ZER1: variants seen among roughly 807,000 people sequenced by gnomAD.
The protein encoded by ZER1 is zyg-11 related cell cycle regulator.
Under a neutral mutation model 78.8 loss-of-function variants are expected in ZER1, and 11 were observed. The observed-to-expected ratio is 0.14, with a 90% confidence interval of 0.09 to 0.23. The LOEUF (loss-of-function observed/expected upper bound fraction) is 0.23. ZER1 is among the 10% of genes least tolerant of loss of function. The pLI is 1.00. For synonymous variants in ZER1, 400 were observed against 407.0 expected, an observed-to-expected ratio of 0.98 and a Z score of 0.21; for missense variants, 588 against 996.9, an observed-to-expected ratio of 0.59 and a Z score of 5.52.
At chr9:128,747,596 AT>A (rs1191693546) in intron 8 of ZER1, among the ~76,000 whole-genome samples, 4 of 152,036 alleles carry the variant, frequency 2.6e-5, no homozygotes, top group Non-Finnish European at 5.9e-5. Context: ...TCTTTTAAGC[AT>A]TTAGGTATCT....
rs111585212 is a variant in ZER1 at position 128,736,245 on chromosome 9, C to T, written c.2043-814G>A. Among the ~76,000 whole-genome samples, 1,133 of 151,756 alleles carry T rather than the reference C, an allele frequency of 7.5e-3. 19 individuals carry two copies. The highest frequency in any genetic ancestry group is 0.026 in the African/African-American group (1,061 of 41,386). On this transcript the variant is annotated intron_variant, in intron 13 of 15. Transcript: ENST00000291900. Reference sequence around the variant, plus strand: ...GATTATAGGCGTGAGCCACCGCGCCCGGCCTAAATTTTGTATTTTTGGTAG... The same window carrying T: ...GATTATAGGCGTGAGCCACCGCGCCTGGCCTAAATTTTGTATTTTTGGTAG...
In ZER1 at chr9:128,740,052, T is replaced by A; in HGVS notation, c.1921A>T (p.Ile641Phe). 1 of 1,614,012 alleles carries A rather than the reference T, an allele frequency of 6.2e-7. No homozygotes were observed. Among genetic ancestry groups the A allele is most frequent in the Non-Finnish European group, 8.5e-7 (1 of 1,179,936 alleles). Reference protein sequence around the residue: ...SYNACGVLSHIMFDGPEAWGV... With the variant: ...SYNACGVLSHFMFDGPEAWGV... The stretch of plus-strand genomic sequence containing the variant: ...CAGGCCTCGGGTCCATCAAACATGA[T>A]GTGGGAGAGGACGCCGCAGGCATTG... Residue 641 changes from isoleucine (I) to phenylalanine (F), a missense_variant, in exon 13 of 16, where the codon ATC becomes TTC. Physicochemically the swap from Ile to Phe is conservative, Grantham distance 21. This residue lies in a region of ZER1 where 122 missense variants were observed against 173.5 expected (regional missense o/e 0.70). Transcript: ENST00000291900. This position sits in a 1 kb window ranked among gnomAD's most constrained non-coding sequence, Gnocchi z 4.4.
chr9:128,735,761 G>GTTTTT lies in ZER1; in HGVS notation c.2043-335_2043-331dup, dbSNP rs1564391224. On this transcript the variant is annotated intron_variant, in intron 13 of 15. Transcript: ENST00000291900. The stretch of plus-strand genomic sequence containing the variant: ...TGGGAACAGAAGCACGTGTGACCTG[G>GTTTTT]TTTTTTTTTTTTTTTTTTTTTTTTT... Among the ~76,000 whole-genome samples the GTTTTT allele has an allele frequency of 1.1e-4, 3 of 26,828 alleles. 1 individual carries two copies. The highest frequency in any genetic ancestry group is 1.0e-3 in the Admixed American group (2 of 1,988). 17.6% of individuals were successfully genotyped at this position (26,828 alleles called of 152,430 possible). A position where few individuals can be genotyped will look rare whatever the true frequency, so the allele number is the denominator to read the frequency against.
chr9:128,730,621 G>A lies in ZER1; in HGVS notation c.*716C>T, dbSNP rs76739796. 1,128 of 152,906 alleles carry A rather than the reference G, an allele frequency of 7.4e-3. 19 individuals carry two copies. The highest frequency in any genetic ancestry group is 0.025 in the African/African-American group (1,058 of 41,570). 9.5% of individuals were successfully genotyped at this position (152,906 alleles called of 1,614,324 possible). ...GGCTTTCCACAGCCTGGGACCTGGT[G>A]GGAGACTAGGAGGCAGCCTCCATAG... is the stretch of plus-strand genomic sequence containing the variant. On this transcript the variant is annotated 3_prime_UTR_variant, in exon 16 of 16. Transcript: ENST00000291900.
At chr9:128,748,591 T>C (rs1326688641) in intron 8 of ZER1, among the ~76,000 whole-genome samples, 6 of 151,624 alleles carry the variant, frequency 4.0e-5, no homozygotes, top group African/African-American at 1.5e-4. Context: ...TTTTTCTTTG[T>C]GACAGAGTCT....
intron 13 of ZER1, among the ~76,000 whole-genome samples, chr9:128,739,431 G>A (rs1863212229): frequency 6.6e-6 from 1 of 151,658 alleles, no homozygotes; most frequent in Non-Finnish European, 1.5e-5. Context: ...GAACCCAGGA[G>A]GCAGAGCTTG....
intron 9 of ZER1, among the ~76,000 whole-genome samples, chr9:128,742,121 A>G (rs117556271): frequency 0.015 from 2,290 of 152,356 alleles, 23 homozygotes; most frequent in Middle Eastern, 0.054. Flanking sequence ...CGCTGCCATC[A>G]AATGAGACCA....
chr9:128,731,424 G>C (rs1313302251), intron 15 of ZER1, 30 bp from the exon 16 acceptor site: 2 of 1,412,896 alleles, frequency 1.4e-6, no homozygotes, highest in Non-Finnish European at 2.0e-6. Context: ...CAGGATTGGA[G>C]GGTGGGCTTG....
At chr9:128,766,541 T>C (rs1012455091) in intron 1 of ZER1, among the ~76,000 whole-genome samples, 6 of 151,954 alleles carry the variant, frequency 3.9e-5, no homozygotes, top group Middle Eastern at 3.4e-3. Context: ...AGGTAGTTCA[T>C]TAGTTCAAGA....
chr9:128,768,726 A>G (rs958280240), intron 1 of ZER1, among the ~76,000 whole-genome samples: 1 of 152,128 alleles, frequency 6.6e-6, no homozygotes, highest in Non-Finnish European at 1.5e-5. Flanking sequence ...AGGGAGATCA[A>G]CTGTGGTTCT....
Position 128,755,272 on chromosome 9 carries a change from C to T in ZER1, c.158+136G>A. ...ACCACTATTCTCTTGCAGCCATGAACATCCATGTGCACACACACACACCCT... is the reference window on the plus strand; with the variant it reads ...ACCACTATTCTCTTGCAGCCATGAATATCCATGTGCACACACACACACCCT... On this transcript the variant is annotated intron_variant, in intron 2 of 15. Coordinates refer to ENST00000291900, the MANE Select transcript of ZER1 (RefSeq NM_006336.4). The surrounding 1 kb of genome is among the most constrained non-coding windows in gnomAD (Gnocchi z 5.6). The T allele has an allele frequency of 7.9e-7, 1 of 1,260,406 alleles. No individual in the cohort carries two copies. 78.1% of individuals were successfully genotyped at this position (1,260,406 alleles called of 1,614,324 possible).
intron 9 of ZER1, 23 bp from the exon 10 acceptor site, chr9:128,741,864 G>T: frequency 6.2e-7 from 1 of 1,614,186 alleles, no homozygotes; most frequent in Non-Finnish European, 8.5e-7. Context: ...ACAAGAGTCT[G>T]CTAGAGTGCT....
chr9:128,744,286 G>A (rs1442424717), intron 8 of ZER1, among the ~76,000 whole-genome samples: 2 of 151,970 alleles, frequency 1.3e-5, no homozygotes, highest in Non-Finnish European at 2.9e-5. Context: ...CTGCCTCGCG[G>A]GTCCAAGCGA....
chr9:128,742,568 CGTT>C lies in ZER1; in HGVS notation c.1534_1536del (p.Asn512del). On this transcript the variant is annotated inframe_deletion, in exon 9 of 16. Coordinates refer to ENST00000291900, the MANE Select transcript of ZER1 (RefSeq NM_006336.4). ...ATCTTGCCCACGGCCTCCTTGTGGTCGTTGTCTACCTGGCAGACCAGGGCATTG... is the reference window on the plus strand; with the variant it reads ...ATCTTGCCCACGGCCTCCTTGTGGTCGTCTACCTGGCAGACCAGGGCATTG... The C allele has an allele frequency of 6.2e-7, 1 of 1,614,210 alleles. No individual in the cohort carries two copies. The highest frequency in any genetic ancestry group is 8.5e-7 in the Non-Finnish European group (1 of 1,180,048).
intron 13 of ZER1, among the ~76,000 whole-genome samples, chr9:128,737,710 C>CT (rs905673660): frequency 4.8e-4 from 72 of 148,956 alleles, no homozygotes; most frequent in African/African-American, 1.4e-3. Context: ...TCTTCTTCTT[C>CT]TTTTTTTTTT....
chr9:128,744,601 C>T (rs993806829), intron 8 of ZER1, among the ~76,000 whole-genome samples: 1 of 152,052 alleles, frequency 6.6e-6, no homozygotes, highest in Non-Finnish European at 1.5e-5. Context: ...GCCTCAGCCT[C>T]CCAAGTAGCT....
intron 14 of ZER1, 128 bp from the exon 15 acceptor site, chr9:128,733,656 GC>G: frequency 1.3e-6 from 1 of 787,848 alleles, no homozygotes; most frequent in Non-Finnish European, 2.0e-6. Context: ...CTTGGTGGGG[GC>G]AGTGCTAGAA....
rs1270088040 is a variant in ZER1 at position 128,730,179 on chromosome 9, G to A, written c.*1158C>T. ...CCCCAGGCCCCTGCGCTCCACAAGT[G>A]TCCGATGAGAAGCAATGCAGTGTCC... On this transcript the variant is annotated 3_prime_UTR_variant, in exon 16 of 16. Coordinates refer to ENST00000291900, the MANE Select transcript of ZER1 (RefSeq NM_006336.4). 2.0e-5 allele frequency: 3 copies of A among 152,696 alleles called. No individual in the cohort carries two copies. Among genetic ancestry groups the A allele is most frequent in the Non-Finnish European group, 4.4e-5 (3 of 68,210 alleles). 9.5% of individuals were successfully genotyped at this position (152,696 alleles called of 1,614,324 possible).
At position 128,742,701 on chromosome 9, in the gene ZER1, G is replaced by C; in HGVS notation, c.1404C>G (p.Pro468=). 2 of 1,613,776 alleles carry C rather than the reference G, an allele frequency of 1.2e-6. No individual in the cohort carries two copies. Among genetic ancestry groups the C allele is most frequent in the Non-Finnish European group, 1.7e-6 (2 of 1,179,880 alleles). ...GGCGGTACTGGAATTCCAGCTCCTC[G>C]GGGATGCTGAAGTTGCAGAGCGTCA... ...CCLTLCNFSI[P]EELEFQYRRV... The change falls in exon 9 of 16, where the codon CCC becomes CCG. Residue 468 remains proline, a synonymous_variant. Transcript: ENST00000291900.
Sources: allele counts gnomAD v4.1 joint callset (sites outside exome capture counted in the v4.1 genomes callset), GRCh38; gene constraint gnomAD v4.1.1; regional missense constraint gnomAD v4.1.1; non-coding constraint Gnocchi (gnomAD v3.1); transcripts MANE v1.5; gene names NCBI Gene and HGNC (gene_info 2026-07-23, HGNC 2026-07-21).